Variants in ZNF490 observed in about 807,000 individuals in gnomAD.
ZNF490 encodes zinc finger protein 490.
In ZNF490, 11 loss-of-function variants were observed where a neutral mutation model predicts 17.7. The ratio of observed to expected loss-of-function variants is 0.62; its 90% confidence interval spans 0.39 to 1.03. The LOEUF (loss-of-function observed/expected upper bound fraction) is 1.03. Among genes scored for constraint, ZNF490 ranks in the 50% least tolerant of loss-of-function variants. The probability of loss-of-function intolerance (pLI) is 0.00; values close to 1 mark genes in which losing one functional copy is unlikely to be tolerated. For synonymous variants in ZNF490, 222 were observed against 216.1 expected, an observed-to-expected ratio of 1.03 and a Z score of -0.24; for missense variants, 542 against 643.4, an observed-to-expected ratio of 0.84 and a Z score of 1.71.
chr19:12,608,249 A>C (rs1210615708), intron 2 of ZNF490, among the ~76,000 whole-genome samples: 1 of 152,086 alleles, frequency 6.6e-6, no homozygotes, highest in Non-Finnish European at 1.5e-5. Context: ...GTTTTGTCCA[A>C]ACTATGCAAA....
chr19:12,604,442 G>C (rs1008301351), intron 2 of ZNF490, among the ~76,000 whole-genome samples: 5 of 152,112 alleles, frequency 3.3e-5, no homozygotes, highest in African/African-American at 1.2e-4. Context: ...ATGAGGTCAG[G>C]AGTTCGAGAC....
At chr19:12,602,087 C>T (rs564347572) in intron 2 of ZNF490, among the ~76,000 whole-genome samples, 7,040 of 135,770 alleles carry the variant, frequency 0.052, 510 homozygotes, top group African/African-American at 0.17. Context: ...TATACACACA[C>T]ACACACACAC....
chr19:12,599,460 A>G (rs1422642860), intron 2 of ZNF490, among the ~76,000 whole-genome samples: 1 of 152,190 alleles, frequency 6.6e-6, no homozygotes, highest in African/African-American at 2.4e-5. Context: ...ATAAAATGCC[A>G]TTATGACTCT....
chr19:12,610,624 G>A lies in ZNF490; in HGVS notation c.57C>T (p.Val19=), dbSNP rs778857252. The part of the protein sequence containing the change: ...FQMERPLEEQ[V]QSKWSSSQGR... Reference sequence around the variant, plus strand: ...CTTGACTAGACGACCACTTGCTCTGGACTTGCTCCTCGAGGGGTCGCTCCA... The same window carrying A: ...CTTGACTAGACGACCACTTGCTCTGAACTTGCTCCTCGAGGGGTCGCTCCA... The change falls in exon 1 of 5, where the codon GTC becomes GTT. Residue 19 remains valine, a synonymous_variant. Transcript: ENST00000311437. The A allele has an allele frequency of 1.3e-5, 21 of 1,613,850 alleles. No homozygotes were observed. Among genetic ancestry groups the A allele is most frequent in the Non-Finnish European group, 1.8e-5 (21 of 1,180,026 alleles).
intron 2 of ZNF490, among the ~76,000 whole-genome samples, chr19:12,596,820 A>G (rs2022939558): frequency 6.6e-6 from 1 of 152,160 alleles, no homozygotes; most frequent in African/African-American, 2.4e-5. Flanking sequence ...TCCCTCCTCC[A>G]GGCTTCAATT....
At chr19:12,604,461 C>T (rs1352060185) in intron 2 of ZNF490, among the ~76,000 whole-genome samples, 1 of 152,066 alleles carries the variant, frequency 6.6e-6, no homozygotes, top group African/African-American at 2.4e-5. Context: ...ACCAGCCTGG[C>T]CAGCATGGTG....
At chr19:12,595,185 CTG>C (rs1311606444) in intron 2 of ZNF490, among the ~76,000 whole-genome samples, 16 of 152,082 alleles carry the variant, frequency 1.1e-4, no homozygotes, top group African/African-American at 3.4e-4. Context: ...CTTGTTGTCC[CTG>C]CTGGAGTGCA....
chr19:12,594,479 GA>G (rs1207241851), intron 2 of ZNF490, among the ~76,000 whole-genome samples: 1 of 149,568 alleles, frequency 6.7e-6, no homozygotes, highest in Non-Finnish European at 1.5e-5. Flanking sequence ...AAAAAAAAAA[GA>G]AAAGAAAAGA....
intron 2 of ZNF490, among the ~76,000 whole-genome samples, chr19:12,592,633 G>A (rs1489784653): frequency 6.6e-6 from 1 of 152,114 alleles, no homozygotes. Context: ...ACATGATGCA[G>A]CTATGATGAA....
intron 2 of ZNF490, among the ~76,000 whole-genome samples, chr19:12,591,911 T>G (rs2022877126): frequency 6.6e-6 from 1 of 152,178 alleles, no homozygotes; most frequent in African/African-American, 2.4e-5. Context: ...GTTGAAAATT[T>G]ATGTTCATGC....
intron 2 of ZNF490, among the ~76,000 whole-genome samples, chr19:12,598,563 G>A (rs987345188): frequency 1.3e-5 from 2 of 151,106 alleles, no homozygotes; most frequent in Admixed American, 6.6e-5. Context: ...TAGTAGACAC[G>A]GGGTTTCTCC....
intron 2 of ZNF490, among the ~76,000 whole-genome samples, chr19:12,583,758 T>G (rs1034795966): frequency 2.7e-3 from 38 of 14,052 alleles, no homozygotes; most frequent in African/African-American, 3.9e-3. Flanking sequence ...ATTATTGCGC[T>G]CTCTCTCTCT....
In ZNF490 at chr19:12,581,336, C is replaced by A. The variant is rs1324171773; in HGVS notation, c.739G>T (p.Glu247Ter). The A allele has an allele frequency of 6.2e-7, 1 of 1,614,160 alleles. No homozygotes were observed. The highest frequency in any genetic ancestry group is 8.5e-7 in the Non-Finnish European group (1 of 1,180,020). Residue 247 changes from glutamate (E) to a stop codon, truncating the protein, a stop_gained, in exon 5 of 5, where the codon GAG (glutamate) becomes TAG (stop). Transcript: ENST00000311437. LOFTEE classifies it low-confidence loss of function (END_TRUNC). Reference protein sequence around the residue: ...FRNHIRIHTGETPYECKECGK... With the variant: ...FRNHIRIHTG ...CATTCCTTACATTCATAGGGTGTCT[C>A]TCCAGTATGAATTCTTATATGGTTT...
Position 12,610,676 on chromosome 19 carries a change from C to A in ZNF490, c.5G>T (p.Arg2Leu), listed in dbSNP as rs2023139063. M[R>L]RNSSLSFQME... ...CTGGAAACTGAGACTGGAATTCCTG[C>A]GCATCCCTGTCCCCGCATCCAGAAA... The change falls in exon 1 of 5, where the codon CGC (arginine) becomes CTC (leucine). Residue 2 changes from arginine (R) to leucine (L), a missense_variant. Coordinates refer to ENST00000311437, the MANE Select transcript of ZNF490 (RefSeq NM_020714.3). The A allele has an allele frequency of 1.9e-6, 3 of 1,613,442 alleles. No homozygotes were observed. The highest frequency in any genetic ancestry group is 1.3e-5 in the African/African-American group (1 of 74,874).
chr19:12,583,649 C>T (rs1433939672), intron 2 of ZNF490, 93 bp from the exon 3 acceptor site: 2 of 1,353,980 alleles, frequency 1.5e-6, no homozygotes, highest in Non-Finnish European at 2.0e-6. Context: ...CCATATAATC[C>T]TGTAGTCTCG....
chr19:12,587,416 G>A (rs2022816612), intron 2 of ZNF490, among the ~76,000 whole-genome samples: 2 of 66,778 alleles, frequency 3.0e-5, no homozygotes, highest in South Asian at 4.4e-4. Context: ...TTACAGGTGC[G>A]AGCCACCATA....
intron 2 of ZNF490, among the ~76,000 whole-genome samples, chr19:12,594,024 C>G (rs149997475): frequency 6.6e-6 from 1 of 152,260 alleles, no homozygotes; most frequent in Non-Finnish European, 1.5e-5. Flanking sequence ...AGGAGAGCCT[C>G]AATGTTCAGG....
Position 12,579,721 on chromosome 19 carries a change from G to A in ZNF490, c.*764C>T, listed in dbSNP as rs1403970202. The A allele has an allele frequency of 6.6e-6, 1 of 152,226 alleles. No homozygotes were observed. Among genetic ancestry groups the A allele is most frequent in the Non-Finnish European group, 1.5e-5 (1 of 68,154 alleles). The allele number at this position is 152,226 out of a possible 1,614,324, so 9.4% of individuals were successfully genotyped here. On this transcript the variant is annotated 3_prime_UTR_variant, in exon 5 of 5. Transcript: ENST00000311437. ...AGCTACTTGGAAGGCTGAGGCAGAA[G>A]AATTGCTTGAACCCAGAGGTTACAG...
intron 2 of ZNF490, among the ~76,000 whole-genome samples, chr19:12,604,196 T>G (rs912528328): frequency 1.3e-5 from 2 of 152,262 alleles, no homozygotes; most frequent in African/African-American, 4.8e-5. Context: ...TCTCTTCATC[T>G]GGCTGTTCAT....
Sources: gnomAD v4.1 joint callset for allele counts (sites outside exome capture counted in the v4.1 genomes callset) on GRCh38, gnomAD v4.1.1 for gene constraint, MANE v1.5 for transcripts, NCBI Gene and HGNC (gene_info 2026-07-23, HGNC 2026-07-21) for gene names.